The following LINGO2 variants were observed in gnomAD, a reference collection of about 807,000 sequenced individuals.
LINGO2 encodes the protein leucine-rich repeat and immunoglobulin-like domain-containing nogo receptor-interacting protein 2.
LINGO2 carries 14 observed loss-of-function variants against 30.6 expected under a neutral mutation model. The observed-to-expected ratio is 0.46, with a 90% CI of 0.30 to 0.72. The LOEUF is 0.72. Among genes scored for constraint, LINGO2 ranks in the 30% least tolerant of loss-of-function variants. The pLI is 0.07. For missense variants in LINGO2, 729 were observed against 751.7 expected, an observed-to-expected ratio of 0.97 and a Z score of 0.35; for synonymous variants, 317 against 288.5, an observed-to-expected ratio of 1.10 and a Z score of -1.00.
chr9:29,066,932 A>G, the LINGO2 span, among the ~76,000 whole-genome samples: 1 of 151,874 alleles, frequency 6.6e-6, no homozygotes, highest in Non-Finnish European at 1.5e-5. Flanking sequence ...AAATACTCAC[A>G]TAGCAATGAG....
chr9:28,788,395 C>T, the LINGO2 span, among the ~76,000 whole-genome samples: 1 of 152,080 alleles, frequency 6.6e-6, no homozygotes, highest in Non-Finnish European at 1.5e-5. Context: ...ACCTGGTGAA[C>T]AATTTGTTAG....
In LINGO2 at chr9:28,142,174, T is replaced by G. The variant is rs866839152; in HGVS notation, c.-86-129769A>C. ...TTCTTTGTCTTTTTTTTTTTTTTTT[T>G]GTGGCAAGTAAGTTAAATACTATGC... On this transcript the variant is annotated intron_variant, in intron 4 of 5. Transcript: ENST00000379992. 1.7e-4 allele frequency among the ~76,000 whole-genome samples: 22 copies of G among 128,810 alleles called. No individual in the cohort carries two copies. In the South Asian group the frequency reaches 3.0e-3, roughly 18 times the overall value. The allele number at this position is 128,810 out of a possible 152,430, so 84.5% of individuals were successfully genotyped here. A position where few individuals can be genotyped will look rare whatever the true frequency, so the allele number is the denominator to read the frequency against.
At chr9:28,071,996 T>C (rs1825493158) in intron 4 of LINGO2, among the ~76,000 whole-genome samples, 1 of 152,190 alleles carries the variant, frequency 6.6e-6, no homozygotes, top group Non-Finnish European at 1.5e-5. Context: ...ATCGTCTGGT[T>C]AGAGCAAAGA....
chr9:28,645,934 T>C (rs1489932445), intron 1 of LINGO2, among the ~76,000 whole-genome samples: 1 of 152,122 alleles, frequency 6.6e-6, no homozygotes, highest in Non-Finnish European at 1.5e-5. Context: ...ACCAGGTCTC[T>C]TACTTACTGA....
Position 28,464,788 on chromosome 9 carries a change from A to G in LINGO2, c.-279+11152T>C, listed in dbSNP as rs1032126666. On this transcript the variant is annotated intron_variant, in intron 2 of 5. Transcript: ENST00000379992. ...TTAAGGTTTCCAAGACAACATTTCA[A>G]CATTGGATTTGACATAGATTTCTTG... Among the ~76,000 whole-genome samples the G allele has an allele frequency of 6.3e-4, 96 of 152,230 alleles. 2 individuals carry two copies. Among genetic ancestry groups the G allele is most frequent in the Non-Finnish European group, 1.0e-4 (7 of 68,044 alleles).
chr9:28,770,417 G>T, the LINGO2 span, among the ~76,000 whole-genome samples: 1 of 152,108 alleles, frequency 6.6e-6, no homozygotes, highest in African/African-American at 2.4e-5. Flanking sequence ...AGGTCTTGTG[G>T]TTTCTGGTAT....
intron 1 of LINGO2, among the ~76,000 whole-genome samples, chr9:28,599,760 T>C (rs1361844764): frequency 1.3e-5 from 2 of 152,158 alleles, no homozygotes; most frequent in East Asian, 3.9e-4. Flanking sequence ...TAAAAATGTA[T>C]ACTCAACTGG....
At chr9:28,349,523 T>C (rs1321279841) in intron 3 of LINGO2, among the ~76,000 whole-genome samples, 2 of 117,550 alleles carry the variant, frequency 1.7e-5, no homozygotes, top group Non-Finnish European at 3.5e-5. Flanking sequence ...CTACGTCTGA[T>C]TGGTGTACCT....
At chr9:29,155,789 C>T in the LINGO2 span, among the ~76,000 whole-genome samples, 12 of 151,900 alleles carry the variant, frequency 7.9e-5, no homozygotes, top group African/African-American at 2.9e-4. Context: ...TTTGTGTTTC[C>T]TTTTTTGAAA....
chr9:28,426,080 A>C (rs874183), intron 2 of LINGO2, among the ~76,000 whole-genome samples: 24,945 of 152,014 alleles, frequency 0.16, 2,349 homozygotes, highest in East Asian at 0.42. Flanking sequence ...TACTGAAATC[A>C]GCTACTTAAA....
At chr9:29,049,164 T>C in the LINGO2 span, among the ~76,000 whole-genome samples, 2 of 152,164 alleles carry the variant, frequency 1.3e-5, no homozygotes, top group Non-Finnish European at 2.9e-5. Flanking sequence ...CAGATTTGAA[T>C]ACACACTTCT....
chr9:28,060,341 CAT>C (rs75897312), intron 4 of LINGO2, among the ~76,000 whole-genome samples: 23,033 of 152,112 alleles, frequency 0.15, 2,051 homozygotes, highest in South Asian at 0.34. Flanking sequence ...TATCAGAAAA[CAT>C]ATATTAAGCC....
intron 1 of LINGO2, among the ~76,000 whole-genome samples, chr9:28,532,743 A>G (rs1183097500): frequency 6.6e-6 from 1 of 152,070 alleles, no homozygotes; most frequent in Non-Finnish European, 1.5e-5. Context: ...GCTACTTAGT[A>G]TGCTTCTGAT....
intron 5 of LINGO2, among the ~76,000 whole-genome samples, chr9:27,996,307 C>A (rs1821659492): frequency 6.6e-6 from 1 of 152,080 alleles, no homozygotes. Flanking sequence ...GAAAGAAAAT[C>A]AATGTTTTAG....
rs1048261099 is a variant in LINGO2 at position 28,473,925 on chromosome 9, A to G, written c.-279+2015T>C. Among the ~76,000 whole-genome samples, 5 of 152,156 alleles carry G rather than the reference A, an allele frequency of 3.3e-5. No homozygotes were observed. The South Asian group carries it at 1.0e-3, about 32-fold the overall frequency. On this transcript the variant is annotated intron_variant, in intron 2 of 5. Coordinates refer to ENST00000379992, the Ensembl canonical transcript of LINGO2. Reference sequence around the variant, plus strand: ...AAAAAAAACTTATTTCTGACATCTTAAACTATGATAAAAAACATTCCATCA... The same window carrying G: ...AAAAAAAACTTATTTCTGACATCTTGAACTATGATAAAAAACATTCCATCA...
intron 1 of LINGO2, among the ~76,000 whole-genome samples, chr9:28,528,511 A>C (rs1311266258): frequency 1.3e-5 from 2 of 152,210 alleles, no homozygotes; most frequent in African/African-American, 4.8e-5. Flanking sequence ...TCAATAAATT[A>C]ATTCATATCT....
At chr9:28,282,665 A>AT in intron 4 of LINGO2, among the ~76,000 whole-genome samples, 1 of 152,256 alleles carries the variant, frequency 6.6e-6, no homozygotes, top group South Asian at 2.1e-4. Flanking sequence ...TTGATAATCA[A>AT]TTTTGCATCA....
At chr9:28,581,383 C>T (rs1193689000) in intron 1 of LINGO2, among the ~76,000 whole-genome samples, 1 of 151,750 alleles carries the variant, frequency 6.6e-6, no homozygotes, top group Non-Finnish European at 1.5e-5. Context: ...ACTGACTGCA[C>T]TGTTTCAGCT....
chr9:28,016,929 G>T (rs1822871136), intron 4 of LINGO2, among the ~76,000 whole-genome samples: 1 of 151,896 alleles, frequency 6.6e-6, no homozygotes, highest in Non-Finnish European at 1.5e-5. Flanking sequence ...AACATAGATG[G>T]AAAAATCCTC....
Sources: gnomAD v4.1 joint callset for allele counts (sites outside exome capture counted in the v4.1 genomes callset) on GRCh38, gnomAD v4.1.1 for gene constraint, MANE v1.5 for transcripts, NCBI Gene and HGNC (gene_info 2026-07-23, HGNC 2026-07-21) for gene names.